FHOD3: variants seen among roughly 807,000 people sequenced by gnomAD.
FHOD3 encodes formin homology 2 domain containing 3.
A neutral mutation model predicts 173.0 loss-of-function variants in FHOD3; 90 were observed. The observed-to-expected ratio is 0.52, with a 90% confidence interval of 0.44 to 0.62. The LOEUF is 0.62. FHOD3 is among the 20% of genes least tolerant of loss of function. FHOD3 has a pLI of 0.00. For synonymous variants in FHOD3, 828 were observed against 823.0 expected (o/e 1.01, Z -0.10); for missense variants, 1,945 against 2,034.7 (o/e 0.96, Z 0.85).
intron 14 of FHOD3, 66 bp from the exon 15 acceptor site, chr18:36,681,370 G>T: frequency 6.3e-7 from 1 of 1,590,918 alleles, no homozygotes; most frequent in Non-Finnish European, 8.6e-7. Context: ...AGGTCTGACT[G>T]GTGCTTACTT....
intron 3 of FHOD3, among the ~76,000 whole-genome samples, chr18:36,422,392 ATAGT>A (rs1395612706): frequency 6.6e-6 from 1 of 152,140 alleles, no homozygotes; most frequent in East Asian, 1.9e-4. Context: ...CTGTTGAAGG[ATAGT>A]TAGTCTGCTG....
chr18:36,702,542 T>C (rs2039648317), intron 17 of FHOD3, among the ~76,000 whole-genome samples: 1 of 152,156 alleles, frequency 6.6e-6, no homozygotes, highest in African/African-American at 2.4e-5. Flanking sequence ...ATCTACACAG[T>C]TTGGAGCAAC....
intron 16 of FHOD3, among the ~76,000 whole-genome samples, chr18:36,690,384 C>T (rs758872438): frequency 6.6e-6 from 1 of 152,142 alleles, no homozygotes; most frequent in African/African-American, 2.4e-5. Context: ...AGAGGAGGCT[C>T]TGTCGGTCTG....
chr18:36,498,497 G>A (rs2054859113), intron 3 of FHOD3, among the ~76,000 whole-genome samples: 1 of 152,146 alleles, frequency 6.6e-6, no homozygotes, highest in African/African-American at 2.4e-5. Context: ...CATTGCTACA[G>A]TTAATAAAAG....
chr18:36,425,821 A>T (rs2050211208), intron 3 of FHOD3, among the ~76,000 whole-genome samples: 1 of 152,042 alleles, frequency 6.6e-6, no homozygotes, highest in African/African-American at 2.4e-5. Flanking sequence ...ATAGATATAT[A>T]TGTGTACATA....
intron 3 of FHOD3, among the ~76,000 whole-genome samples, chr18:36,393,496 G>A (rs1292416712): frequency 1.3e-5 from 2 of 152,146 alleles, no homozygotes; most frequent in East Asian, 1.9e-4. Flanking sequence ...AGACATTGCC[G>A]AATGTCCCTT....
intron 27 of FHOD3, among the ~76,000 whole-genome samples, chr18:36,763,642 G>C (rs3926965): frequency 0.011 from 1,265 of 119,544 alleles, 97 homozygotes; most frequent in Middle Eastern, 0.029. Flanking sequence ...TATAATATAT[G>C]TGTATTATAC....
chr18:36,677,579 G>T (rs1433270012), intron 14 of FHOD3, among the ~76,000 whole-genome samples: 1 of 152,112 alleles, frequency 6.6e-6, no homozygotes, highest in East Asian at 1.9e-4. Flanking sequence ...CTGTGTCATG[G>T]CTCACTGTCT....
chr18:36,467,612 C>A (rs1225623525), intron 3 of FHOD3, among the ~76,000 whole-genome samples: 1 of 152,130 alleles, frequency 6.6e-6, no homozygotes, highest in Non-Finnish European at 1.5e-5. Flanking sequence ...CAGGTGAGAG[C>A]TGGGTGAAAG....
At chr18:36,641,938 G>A (rs2035335697) in intron 10 of FHOD3, among the ~76,000 whole-genome samples, 2 of 146,052 alleles carry the variant, frequency 1.4e-5, no homozygotes, top group Non-Finnish European at 3.0e-5. Flanking sequence ...GAGCAACAGA[G>A]CGAAACTCGG....
At chr18:36,735,647 T>C (rs1038391661) in intron 20 of FHOD3, among the ~76,000 whole-genome samples, 1 of 152,224 alleles carries the variant, frequency 6.6e-6, no homozygotes, top group African/African-American at 2.4e-5. Flanking sequence ...AAAAAGTTTT[T>C]TTTTTTAAGT....
intron 27 of FHOD3, among the ~76,000 whole-genome samples, chr18:36,767,947 C>T (rs1567964932): frequency 6.6e-6 from 1 of 151,668 alleles, no homozygotes; most frequent in East Asian, 1.9e-4. Flanking sequence ...TTGTAAGCAC[C>T]AAAACTTAAA....
intron 3 of FHOD3, among the ~76,000 whole-genome samples, chr18:36,481,353 A>G (rs1470362537): frequency 6.6e-6 from 1 of 152,068 alleles, no homozygotes; most frequent in African/African-American, 2.4e-5. Context: ...GGAGAAGACA[A>G]TGAAAAGAAA....
chr18:36,603,820 A>G (rs2031729789), intron 8 of FHOD3, among the ~76,000 whole-genome samples: 1 of 152,186 alleles, frequency 6.6e-6, no homozygotes, highest in Non-Finnish European at 1.5e-5. Context: ...ATTTTTTAAA[A>G]TCATTTTTCC....
chr18:36,580,262 A>G (rs1340940332), intron 6 of FHOD3, among the ~76,000 whole-genome samples: 1 of 152,000 alleles, frequency 6.6e-6, no homozygotes, highest in Non-Finnish European at 1.5e-5. Flanking sequence ...AAGGTGGCAC[A>G]CTCGCCTCCT....
At chr18:36,760,906 C>T in intron 27 of FHOD3, 124 bp downstream of exon 27, 2 of 967,780 alleles carry the variant, frequency 2.1e-6, no homozygotes, top group East Asian at 5.5e-5. Context: ...GCCAACCTAA[C>T]CACACACATT....
intron 6 of FHOD3, among the ~76,000 whole-genome samples, chr18:36,581,082 T>G (rs575955660): frequency 1.3e-5 from 2 of 152,364 alleles, no homozygotes; most frequent in African/African-American, 4.8e-5. Context: ...TTGAGACTCA[T>G]AGCCAGGGGA....
chr18:36,403,792 T>C (rs1395066699), intron 3 of FHOD3, among the ~76,000 whole-genome samples: 1 of 152,206 alleles, frequency 6.6e-6, no homozygotes, highest in African/African-American at 2.4e-5. Context: ...AAAGAACTGG[T>C]GCCTGGACCC....
At chr18:36,585,015 G>A (rs2058979790) in intron 6 of FHOD3, among the ~76,000 whole-genome samples, 1 of 151,986 alleles carries the variant, frequency 6.6e-6, no homozygotes, top group Non-Finnish European at 1.5e-5. Flanking sequence ...TTAACTCTGA[G>A]TATATTATAA....
Sources: allele counts gnomAD v4.1 joint callset (sites outside exome capture counted in the v4.1 genomes callset), GRCh38; gene constraint gnomAD v4.1.1; transcripts MANE v1.5; gene names NCBI Gene and HGNC (gene_info 2026-07-23, HGNC 2026-07-21).